Variants in PLCB1 observed in about 807,000 individuals in gnomAD.
PLCB1 encodes phospholipase C beta 1.
Under a neutral mutation model 161.8 loss-of-function variants are expected in PLCB1, and 46 were observed. The observed-to-expected ratio is 0.28, with a 90% CI of 0.22 to 0.36. PLCB1 has a LOEUF of 0.36. Among genes scored for constraint, PLCB1 ranks in the 10% least tolerant of loss-of-function variants. The probability of loss-of-function intolerance (pLI) is 1.00; values close to 1 mark genes in which losing one functional copy is unlikely to be tolerated. For synonymous variants in PLCB1, 517 were observed against 503.7 expected (o/e 1.03, Z -0.35); for missense variants, 1,016 against 1,472.5 (o/e 0.69, Z 5.07).
chr20:8,829,299 G>T (rs1404771747), intron 31 of PLCB1, among the ~76,000 whole-genome samples: 1 of 152,132 alleles, frequency 6.6e-6, no homozygotes, highest in East Asian at 1.9e-4. Context: ...CTCAGGCATG[G>T]CTCAGGTTCA....
chr20:8,504,185 C>T (rs1983535640), intron 3 of PLCB1, among the ~76,000 whole-genome samples: 1 of 152,160 alleles, frequency 6.6e-6, no homozygotes, highest in African/African-American at 2.4e-5. Flanking sequence ...TCTGTGTCAC[C>T]TCCACTCTAA....
At chr20:8,500,225 A>G (rs1983347785) in intron 3 of PLCB1, among the ~76,000 whole-genome samples, 1 of 152,226 alleles carries the variant, frequency 6.6e-6, no homozygotes, top group Admixed American at 6.5e-5. Flanking sequence ...GCAGAGTCTA[A>G]CAAAGGAGAC....
chr20:8,820,874 G>A (rs533769220), intron 31 of PLCB1, among the ~76,000 whole-genome samples: 3 of 151,820 alleles, frequency 2.0e-5, no homozygotes, highest in Non-Finnish European at 4.4e-5. Flanking sequence ...AAAACAAGTG[G>A]GAGGAAAATA....
At chr20:8,457,747 C>T (rs1329164903) in intron 3 of PLCB1, among the ~76,000 whole-genome samples, 2 of 149,938 alleles carry the variant, frequency 1.3e-5, no homozygotes, top group African/African-American at 2.5e-5. Context: ...CACACACACA[C>T]GTACACACCA....
intron 3 of PLCB1, among the ~76,000 whole-genome samples, chr20:8,562,633 G>A (rs190263423): frequency 1.3e-5 from 2 of 152,162 alleles, no homozygotes; most frequent in East Asian, 1.9e-4. Context: ...CAGTACACTG[G>A]CGCTCCTCTG....
chr20:8,864,788 A>G (rs1987371563), intron 31 of PLCB1, among the ~76,000 whole-genome samples: 1 of 152,202 alleles, frequency 6.6e-6, no homozygotes, highest in Non-Finnish European at 1.5e-5. Flanking sequence ...GATTAGCTGT[A>G]GTTTTCTCTA....
At chr20:8,331,032 T>C (rs547890421) in intron 2 of PLCB1, among the ~76,000 whole-genome samples, 2 of 152,240 alleles carry the variant, frequency 1.3e-5, no homozygotes, top group African/African-American at 2.4e-5. Context: ...TAGCAGAAAA[T>C]TCATCCACAC....
At chr20:8,147,176 C>A (rs570593710) in intron 1 of PLCB1, among the ~76,000 whole-genome samples, 1 of 152,190 alleles carries the variant, frequency 6.6e-6, no homozygotes, top group South Asian at 2.1e-4. Flanking sequence ...TCTTAGAAGT[C>A]CAGATTTTCA....
At chr20:8,178,324 G>A (rs2051803899) in intron 2 of PLCB1, among the ~76,000 whole-genome samples, 1 of 151,834 alleles carries the variant, frequency 6.6e-6, no homozygotes, top group Non-Finnish European at 1.5e-5. Flanking sequence ...GTGTATAAGT[G>A]TTTTTTGATT....
At chr20:8,362,462 C>T (rs982890504) in intron 2 of PLCB1, among the ~76,000 whole-genome samples, 2 of 152,116 alleles carry the variant, frequency 1.3e-5, no homozygotes, top group African/African-American at 2.4e-5. Context: ...GCAACTATAC[C>T]ATAAATACTG....
chr20:8,516,893 C>T (rs1465160115), intron 3 of PLCB1, among the ~76,000 whole-genome samples: 2 of 151,848 alleles, frequency 1.3e-5, no homozygotes, highest in African/African-American at 4.8e-5. Flanking sequence ...CTAAGTACAA[C>T]ACAGTTCCAG....
intron 3 of PLCB1, among the ~76,000 whole-genome samples, chr20:8,490,763 G>C (rs1355607644): frequency 1.3e-5 from 2 of 151,746 alleles, no homozygotes; most frequent in Non-Finnish European, 2.9e-5. Flanking sequence ...TGCCATCCCA[G>C]TTTCTTATTT....
chr20:8,781,449 A>AC (rs1983232622), intron 27 of PLCB1, among the ~76,000 whole-genome samples: 2 of 133,668 alleles, frequency 1.5e-5, no homozygotes, highest in African/African-American at 5.6e-5. Context: ...CACACACACA[A>AC]AGATCCAAAT....
chr20:8,218,163 G>T (rs1979228121), intron 2 of PLCB1, among the ~76,000 whole-genome samples: 1 of 152,122 alleles, frequency 6.6e-6, no homozygotes, highest in Non-Finnish European at 1.5e-5. Flanking sequence ...AGGGGCATGT[G>T]CAGTGAACAA....
intron 3 of PLCB1, among the ~76,000 whole-genome samples, chr20:8,567,930 CAGT>C (rs1986390693): frequency 6.6e-6 from 1 of 152,114 alleles, no homozygotes; most frequent in Non-Finnish European, 1.5e-5. Flanking sequence ...AATCTATTAT[CAGT>C]TAAGTTTTCA....
At chr20:8,874,244 ACACACACACACG>A (rs1480544129) in intron 31 of PLCB1, among the ~76,000 whole-genome samples, 144 of 136,716 alleles carry the variant, frequency 1.1e-3, no homozygotes, top group African/African-American at 3.7e-3. Flanking sequence ...ACACACACAC[ACACACACACACG>A]CACAACAGAT....
chr20:8,468,535 G>A (rs1274121569), intron 3 of PLCB1, among the ~76,000 whole-genome samples: 1 of 152,138 alleles, frequency 6.6e-6, no homozygotes, highest in Non-Finnish European at 1.5e-5. Flanking sequence ...ATGGAGTGAT[G>A]TGTGTAAGTC....
chr20:8,484,118 C>T (rs537043999), intron 3 of PLCB1, among the ~76,000 whole-genome samples: 2 of 152,290 alleles, frequency 1.3e-5, no homozygotes, highest in East Asian at 1.9e-4. Context: ...CTCAGCCTCA[C>T]GGGTTCAAAC....
chr20:8,631,563 A>G (rs1600209249), intron 4 of PLCB1, among the ~76,000 whole-genome samples: 1 of 152,180 alleles, frequency 6.6e-6, no homozygotes, highest in Admixed American at 6.5e-5. Flanking sequence ...GAGCAGAATC[A>G]GCACTCTCCA....
Sources: allele counts gnomAD v4.1 joint callset (sites outside exome capture counted in the v4.1 genomes callset), GRCh38; gene constraint gnomAD v4.1.1; transcripts MANE v1.5; gene names NCBI Gene and HGNC (gene_info 2026-07-23, HGNC 2026-07-21).